The following ITGB1 variants were observed in gnomAD, a reference collection of about 807,000 sequenced individuals.
ITGB1 encodes integrin beta-1.
A neutral mutation model predicts 86.5 loss-of-function variants in ITGB1; 24 were observed. The observed-to-expected ratio is 0.28, with a 90% CI of 0.20 to 0.39. ITGB1 has a LOEUF of 0.39. ITGB1 is among the 10% of genes least tolerant of loss of function. The pLI is 1.00. For synonymous variants in ITGB1, 323 were observed against 316.8 expected (o/e 1.02, Z -0.21); for missense variants, 556 against 946.9 (o/e 0.59, Z 5.42).
chr10:32,900,761 TAATA>T lies in ITGB1; in HGVS notation c.*805_*808del, dbSNP rs2094879824. 6.7e-6 allele frequency: 1 copy of T among 148,296 alleles called. No individual in the cohort carries two copies. The highest frequency in any genetic ancestry group is 2.5e-5 in the African/African-American group (1 of 40,426). 9.2% of individuals were successfully genotyped at this position (148,296 alleles called of 1,614,324 possible). ...CACCAGACATTAAACAAAATAAAAATAATAAAATAAATTCAACTCAAAAGGTCCC... is the reference window on the plus strand; with the variant it reads ...CACCAGACATTAAACAAAATAAAAATAAATAAATTCAACTCAAAAGGTCCC... On this transcript the variant is annotated 3_prime_UTR_variant, in exon 16 of 16. Transcript: ENST00000302278.
At chr10:32,946,748 CT>C (rs1332615435) in intron 1 of ITGB1, among the ~76,000 whole-genome samples, 4 of 4,018 alleles carry the variant, frequency 1.0e-3, no homozygotes, top group Non-Finnish European at 1.3e-3. Context: ...GTATGTATTT[CT>C]GGGGGGGGGG....
chr10:32,918,129 G>A (rs560469820), intron 11 of ITGB1, among the ~76,000 whole-genome samples: 22 of 152,236 alleles, frequency 1.4e-4, no homozygotes, highest in Non-Finnish European at 3.1e-4. Flanking sequence ...TCACTCATAG[G>A]TGGGAACTGA....
At chr10:32,922,081 C>A (rs1565824221) in intron 9 of ITGB1, among the ~76,000 whole-genome samples, 176 bp downstream of exon 9, 1 of 152,140 alleles carries the variant, frequency 6.6e-6, no homozygotes, top group East Asian at 1.9e-4. Flanking sequence ...GGCCATGAAT[C>A]TTGCTTTTGT....
rs953844733 is a variant in ITGB1, at chr10:32,900,545, G to C, written c.*1025C>G. 4 of 148,514 alleles carry C rather than the reference G, an allele frequency of 2.7e-5. No homozygotes were observed. The highest frequency in any genetic ancestry group is 1.0e-4 in the African/African-American group (4 of 39,878). The allele number at this position is 148,514 out of a possible 1,614,324, so 9.2% of individuals were successfully genotyped here. ...AATGGTGAGAAGTAAACATACAGTG[G>C]TCTGTTATGGCACTAACTCAAAGTA... On this transcript the variant is annotated 3_prime_UTR_variant, in exon 16 of 16. Transcript: ENST00000302278.
chr10:32,954,297 C>G (rs1471446629), intron 1 of ITGB1, among the ~76,000 whole-genome samples: 1 of 152,100 alleles, frequency 6.6e-6, no homozygotes, highest in Non-Finnish European at 1.5e-5. Context: ...CACCCTCTCA[C>G]CTCAGTGAAC....
intron 1 of ITGB1, among the ~76,000 whole-genome samples, chr10:32,942,160 G>A (rs954617136): frequency 6.6e-6 from 1 of 152,212 alleles, no homozygotes; most frequent in Non-Finnish European, 1.5e-5. Flanking sequence ...GGCCTCCTTG[G>A]AGCAAAGAGG....
intron 1 of ITGB1, among the ~76,000 whole-genome samples, chr10:32,943,607 G>A (rs2095024284): frequency 6.6e-6 from 1 of 152,130 alleles, no homozygotes. Context: ...GAAGTGAAAA[G>A]AGCTGGAACC....
intron 6 of ITGB1, among the ~76,000 whole-genome samples, chr10:32,925,439 C>T (rs1157479673): frequency 6.6e-6 from 1 of 152,166 alleles, no homozygotes; most frequent in African/African-American, 2.4e-5. Context: ...GAGAAGAAAA[C>T]TGACCAAAGG....
chr10:32,918,702 C>T (rs1565822831), intron 11 of ITGB1, among the ~76,000 whole-genome samples: 1 of 152,030 alleles, frequency 6.6e-6, no homozygotes, highest in Non-Finnish European at 1.5e-5. Context: ...TTTTAAAGAG[C>T]ACGTTAGTTA....
intron 2 of ITGB1, among the ~76,000 whole-genome samples, chr10:32,934,397 G>C (rs1394167112): frequency 6.6e-6 from 1 of 152,072 alleles, no homozygotes; most frequent in Non-Finnish European, 1.5e-5. Context: ...GATATGTGTA[G>C]GTTATATGCA....
At chr10:32,935,775 C>G in intron 1 of ITGB1, 1 of 437,250 alleles carries the variant, frequency 2.3e-6, no homozygotes, top group Non-Finnish European at 4.1e-6. Context: ...ACTTCCATAC[C>G]AGAGCCCCAG....
chr10:32,909,146 C>T (rs1175704599), intron 14 of ITGB1, among the ~76,000 whole-genome samples: 1 of 152,146 alleles, frequency 6.6e-6, no homozygotes, highest in Non-Finnish European at 1.5e-5. Context: ...AAGAAAGCTA[C>T]AAGACCATGT....
intron 1 of ITGB1, among the ~76,000 whole-genome samples, chr10:32,951,040 TGGGGGTAGG>T (rs2095041654): frequency 1.3e-5 from 2 of 152,032 alleles, no homozygotes; most frequent in South Asian, 4.1e-4. Context: ...GATAATACGT[TGGGGGTAGG>T]GGGAGGTAAA....
chr10:32,911,582 A>G lies in ITGB1; in HGVS notation c.1797T>C (p.Cys599=), dbSNP rs1324705402. 2 of 1,614,188 alleles carry G rather than the reference A, an allele frequency of 1.2e-6. No individual in the cohort carries two copies. Among genetic ancestry groups the G allele is most frequent in the Admixed American group, 1.7e-5 (1 of 60,026 alleles). ...ACDCSLDTST[C]EASNGQICNG... is the part of the protein sequence containing the mutation. ...TGCAGATCTGTCCGTTGCTGGCTTC[A>G]CAAGTACTAGTATCCAAAGAACAGT... The change falls in exon 13 of 16, where the codon TGT becomes TGC. Residue 599 remains cysteine (C), a synonymous_variant. Coordinates refer to ENST00000302278, the MANE Select transcript of ITGB1 (RefSeq NM_002211.4).
In ITGB1 at chr10:32,907,846, T is replaced by A. The variant is rs376149396; in HGVS notation, c.2331+522A>T. ...TTAAAAAAAAGTTACCAAAAAAAAA[T>A]AATAATAATAATTACAATTTCTAAG... On this transcript the variant is annotated intron_variant, in intron 15 of 15. Transcript: ENST00000302278. Among the ~76,000 whole-genome samples the A allele has an allele frequency of 6.4e-4, 97 of 151,956 alleles. No individual in the cohort carries two copies. In the East Asian group the frequency reaches 7.7e-3, roughly 12 times the overall value.
intron 6 of ITGB1, among the ~76,000 whole-genome samples, chr10:32,925,268 T>C (rs532712264): frequency 3.1e-4 from 47 of 152,316 alleles, no homozygotes; most frequent in South Asian, 6.2e-4. Context: ...ATTGAACCAA[T>C]AGGGATGGGC....
At chr10:32,948,816 T>C (rs2095037152) in intron 1 of ITGB1, among the ~76,000 whole-genome samples, 1 of 152,074 alleles carries the variant, frequency 6.6e-6, no homozygotes, top group African/African-American at 2.4e-5. Context: ...GTCTGTGGCA[T>C]TCTGTTATAG....
chr10:32,916,377 T>C (rs2094931559), intron 11 of ITGB1, among the ~76,000 whole-genome samples: 1 of 152,076 alleles, frequency 6.6e-6, no homozygotes, highest in South Asian at 2.1e-4. Context: ...CATCAGTTAA[T>C]TAGGAAAAGA....
intron 1 of ITGB1, 169 bp downstream of exon 1, chr10:32,957,975 GC>G (rs1461881687): frequency 6.7e-6 from 1 of 150,016 alleles, no homozygotes; most frequent in Non-Finnish European, 1.5e-5. Flanking sequence ...CTGGAATCCT[GC>G]CCCAGCCCCC....
Sources: gnomAD v4.1 joint callset for allele counts (sites outside exome capture counted in the v4.1 genomes callset) on GRCh38, gnomAD v4.1.1 for gene constraint, MANE v1.5 for transcripts, NCBI Gene and HGNC (gene_info 2026-07-23, HGNC 2026-07-21) for gene names.